RFX4: variants seen among roughly 807,000 people sequenced by gnomAD.
The protein encoded by RFX4 is transcription factor RFX4.
A neutral mutation model predicts 95.0 loss-of-function variants in RFX4; 10 were observed. That is an observed-to-expected ratio of 0.11 (90% CI 0.06 to 0.18). The LOEUF (loss-of-function observed/expected upper bound fraction) is 0.18, where lower values mean the gene tolerates loss of function less well. RFX4 is among the 10% of genes least tolerant of loss of function. RFX4 has a pLI of 1.00. For missense variants in RFX4, 640 were observed against 922.0 expected, an observed-to-expected ratio of 0.69 and a Z score of 3.96; for synonymous variants, 321 against 340.7, an observed-to-expected ratio of 0.94 and a Z score of 0.64.
chr12:106,639,846 G>A (rs922467267), intron 3 of RFX4, among the ~76,000 whole-genome samples: 5 of 152,176 alleles, frequency 3.3e-5, no homozygotes, highest in Non-Finnish European at 5.9e-5. Flanking sequence ...TGGGCTTGAT[G>A]AAATATTTAA....
chr12:106,732,084 A>G (rs754346154), intron 13 of RFX4, 46 bp from the exon 14 acceptor site: 58 of 1,604,228 alleles, frequency 3.6e-5, no homozygotes, highest in Non-Finnish European at 4.6e-5. Flanking sequence ...GGGGGCATAC[A>G]CGAGACAGCA....
chr12:106,606,470 G>A (rs1014704258), intron 1 of RFX4, among the ~76,000 whole-genome samples: 1 of 152,128 alleles, frequency 6.6e-6, no homozygotes, highest in African/African-American at 2.4e-5. Flanking sequence ...AGTGAGTGGA[G>A]TCATTCTGGA....
At chr12:106,641,875 A>G (rs1592885599) in intron 3 of RFX4, among the ~76,000 whole-genome samples, 2 of 152,280 alleles carry the variant, frequency 1.3e-5, no homozygotes, top group Non-Finnish European at 1.5e-5. Context: ...TGGAAATGCA[A>G]TGGTGGATAA....
chr12:106,700,768 G>A (rs971668666), intron 8 of RFX4, among the ~76,000 whole-genome samples: 2 of 152,166 alleles, frequency 1.3e-5, no homozygotes, highest in Non-Finnish European at 2.9e-5. Context: ...CACATGTAGT[G>A]TAAGAATCTT....
chr12:106,590,108 A>C, intron 1 of RFX4, among the ~76,000 whole-genome samples: 1 of 152,252 alleles, frequency 6.6e-6, no homozygotes, highest in East Asian at 1.9e-4. Flanking sequence ...AAAAAAACCT[A>C]TCTGGAGTAA....
intron 11 of RFX4, among the ~76,000 whole-genome samples, chr12:106,718,399 T>G (rs1207660632): frequency 6.6e-6 from 1 of 152,224 alleles, no homozygotes; most frequent in African/African-American, 2.4e-5. Flanking sequence ...AGGATGTGTT[T>G]GAATCTTGTC....
intron 5 of RFX4, 38 bp downstream of exon 5, chr12:106,682,092 A>C: frequency 6.2e-7 from 1 of 1,607,658 alleles, no homozygotes; most frequent in Non-Finnish European, 8.5e-7. Context: ...CAGAGCGCAC[A>C]TCTATGGGCC....
intron 15 of RFX4, among the ~76,000 whole-genome samples, chr12:106,744,635 C>G (rs769567659): frequency 6.6e-6 from 1 of 152,114 alleles, no homozygotes. Flanking sequence ...GAAACAGAAG[C>G]TCATAAAGTT....
intron 13 of RFX4, among the ~76,000 whole-genome samples, chr12:106,723,961 C>A (rs996341659): frequency 6.6e-6 from 1 of 152,120 alleles, no homozygotes; most frequent in South Asian, 2.1e-4. Context: ...TGCTACACTG[C>A]CACCACCTCA....
intron 1 of RFX4, among the ~76,000 whole-genome samples, chr12:106,607,644 A>G (rs1458603660): frequency 6.6e-6 from 1 of 152,186 alleles, no homozygotes; most frequent in East Asian, 1.9e-4. Context: ...ATAAAAAGAC[A>G]CAAAGTTTGC....
intron 6 of RFX4, 25 bp from the exon 7 acceptor site, chr12:106,689,262 G>T: frequency 6.4e-7 from 1 of 1,572,918 alleles, no homozygotes; most frequent in Non-Finnish European, 8.7e-7. Flanking sequence ...TGTCTTTGTT[G>T]TTGATCCTCT....
intron 17 of RFX4, among the ~76,000 whole-genome samples, chr12:106,751,840 C>G (rs1261434100): frequency 1.3e-5 from 2 of 151,772 alleles, no homozygotes; most frequent in Middle Eastern, 3.4e-3. Context: ...GATATTAGCC[C>G]TTTGTCAGAT....
chr12:106,655,558 T>C (rs1386019879), intron 4 of RFX4, among the ~76,000 whole-genome samples: 1 of 152,196 alleles, frequency 6.6e-6, no homozygotes, highest in Non-Finnish European at 1.5e-5. Context: ...ATGTGTATGC[T>C]ACCAGAGCTT....
At chr12:106,636,070 T>C (rs1001683947) in intron 2 of RFX4, among the ~76,000 whole-genome samples, 1 of 152,120 alleles carries the variant, frequency 6.6e-6, no homozygotes, top group African/African-American at 2.4e-5. Flanking sequence ...CAGGAGGTAA[T>C]GCAGATGACT....
At chr12:106,591,696 T>A (rs2039549249) in intron 1 of RFX4, among the ~76,000 whole-genome samples, 1 of 152,358 alleles carries the variant, frequency 6.6e-6, no homozygotes, top group Non-Finnish European at 1.5e-5. Context: ...ACTCAAACTT[T>A]GGTTAATATT....
At chr12:106,700,599 G>C (rs993564455) in intron 8 of RFX4, among the ~76,000 whole-genome samples, 2 of 150,882 alleles carry the variant, frequency 1.3e-5, no homozygotes, top group Non-Finnish European at 2.9e-5. Context: ...GTAGAGACGG[G>C]GTTTCACCTT....
At chr12:106,656,541 T>C (rs568479505) in intron 4 of RFX4, among the ~76,000 whole-genome samples, 28 of 152,290 alleles carry the variant, frequency 1.8e-4, no homozygotes, top group African/African-American at 6.7e-4. Context: ...AACAGGGTCC[T>C]ACGGAACAGA....
chr12:106,607,048 T>C lies in RFX4; in HGVS notation c.44-1749T>C, dbSNP rs1353454618. ...TGTTGTGAGGACTCAATGAAATAAC[T>C]TATGCAGAGGGCCTGGCATGTTCAA... On this transcript the variant is annotated intron_variant, in intron 1 of 17. Coordinates refer to ENST00000392842, the MANE Select transcript of RFX4 (RefSeq NM_213594.3). Among the ~76,000 whole-genome samples, 5 of 152,302 alleles carry C rather than the reference T, an allele frequency of 3.3e-5. No individual in the cohort carries two copies. In the East Asian group the frequency reaches 9.6e-4, roughly 29 times the overall value.
At chr12:106,706,163 G>A (rs754372925) in intron 8 of RFX4, among the ~76,000 whole-genome samples, 1 of 152,254 alleles carries the variant, frequency 6.6e-6, no homozygotes. Context: ...TGCCAGGGGC[G>A]AAGGCCCTGA....
Sources: allele counts gnomAD v4.1 joint callset (sites outside exome capture counted in the v4.1 genomes callset), GRCh38; gene constraint gnomAD v4.1.1; transcripts MANE v1.5; gene names NCBI Gene and HGNC (gene_info 2026-07-23, HGNC 2026-07-21).